MITF: variants seen among roughly 807,000 people sequenced by gnomAD.
MITF encodes microphthalmia-associated transcription factor.
MITF carries 17 observed loss-of-function variants against 60.5 expected under a neutral mutation model. That is an observed-to-expected ratio of 0.28 (90% CI 0.19 to 0.42). The LOEUF (loss-of-function observed/expected upper bound fraction) is 0.42. Among genes scored for constraint, MITF ranks in the 10% least tolerant of loss-of-function variants. The pLI, the probability that MITF is intolerant of heterozygous loss-of-function variation, is 1.00. For synonymous variants in MITF, 260 were observed against 248.5 expected (o/e 1.05, Z -0.43); for missense variants, 622 against 683.5 (o/e 0.91, Z 1.00).
At chr3:69,821,699 A>G (rs2063276468) in intron 1 of MITF, among the ~76,000 whole-genome samples, 4 of 151,448 alleles carry the variant, frequency 2.6e-5, no homozygotes, top group Admixed American at 6.6e-5. Context: ...CTAAAAAAAA[A>G]AAAAAAAGCA....
At chr3:69,808,431 G>C (rs2063046106) in intron 1 of MITF, among the ~76,000 whole-genome samples, 2 of 152,098 alleles carry the variant, frequency 1.3e-5, no homozygotes, top group Non-Finnish European at 2.9e-5. Flanking sequence ...GGGCTTGCAG[G>C]CAACGGGGGA....
intron 1 of MITF, among the ~76,000 whole-genome samples, chr3:69,824,268 A>G (rs2063321287): frequency 6.6e-6 from 1 of 152,192 alleles, no homozygotes; most frequent in African/African-American, 2.4e-5. Context: ...TTGTATCTTG[A>G]GAAGAGAACT....
chr3:69,801,917 A>G (rs1231373287), intron 1 of MITF, among the ~76,000 whole-genome samples: 2 of 152,108 alleles, frequency 1.3e-5, no homozygotes, highest in African/African-American at 4.8e-5. Context: ...GATTGGAGGG[A>G]ATCAAGTGAT....
intron 1 of MITF, among the ~76,000 whole-genome samples, chr3:69,757,138 G>A (rs1021909288): frequency 6.6e-5 from 10 of 152,084 alleles, no homozygotes; most frequent in African/African-American, 2.4e-4. Context: ...GAGTCTTCCA[G>A]ACCACTTCCC....
rs2065889394 is a variant in MITF at position 69,938,220 on chromosome 3, G to C, written c.582+171G>C. ...GGCATTCCAGCCTGTTGTCTCCATCGCTGGGTTATTGGGTGTAGAGCACAT... is the reference window on the plus strand; with the variant it reads ...GGCATTCCAGCCTGTTGTCTCCATCCCTGGGTTATTGGGTGTAGAGCACAT... On this transcript the variant is annotated intron_variant, in intron 3 of 9. Coordinates refer to ENST00000352241, the MANE Select transcript of MITF (RefSeq NM_001354604.2). 21 of 1,114,756 alleles carry C rather than the reference G, an allele frequency of 1.9e-5. 1 individual carries two copies. In the South Asian group the frequency reaches 2.8e-4, roughly 15 times the overall value. 69.1% of individuals were successfully genotyped at this position (1,114,756 alleles called of 1,614,324 possible).
At chr3:69,794,598 G>T (rs963305141) in intron 1 of MITF, among the ~76,000 whole-genome samples, 4 of 152,112 alleles carry the variant, frequency 2.6e-5, no homozygotes, top group African/African-American at 7.2e-5. Context: ...ATGGCAACAC[G>T]TTAAAATTCA....
chr3:69,817,889 T>C (rs1248641634), intron 1 of MITF, among the ~76,000 whole-genome samples: 1 of 152,148 alleles, frequency 6.6e-6, no homozygotes, highest in African/African-American at 2.4e-5. Flanking sequence ...AGGAATGTGA[T>C]TGTAATATCC....
chr3:69,885,737 A>G lies in MITF; in HGVS notation c.354+6354A>G, dbSNP rs557696859. Among the ~76,000 whole-genome samples the G allele has an allele frequency of 3.9e-5, 6 of 152,230 alleles. No homozygotes were observed. In the East Asian group the frequency reaches 9.7e-4, roughly 25 times the overall value. On this transcript the variant is annotated intron_variant, in intron 2 of 9. Transcript: ENST00000352241. ...AAGGCTTTTTATTGGGATACTAATG[A>G]ATAAAAGATTGAGAAACATTCCTGC...
intron 1 of MITF, among the ~76,000 whole-genome samples, chr3:69,847,477 A>G (rs1215542328): frequency 6.6e-6 from 1 of 152,166 alleles, no homozygotes; most frequent in Non-Finnish European, 1.5e-5. Context: ...CTTTACTTAC[A>G]TATGGGGAAA....
At chr3:69,905,201 A>G (rs1471137589) in intron 2 of MITF, among the ~76,000 whole-genome samples, 1 of 152,094 alleles carries the variant, frequency 6.6e-6, no homozygotes, top group Admixed American at 6.6e-5. Context: ...TAATTTCCAG[A>G]GTTTAAAAAA....
intron 9 of MITF, among the ~76,000 whole-genome samples, chr3:69,960,431 AT>A (rs2066511653): frequency 6.6e-6 from 1 of 152,176 alleles, no homozygotes; most frequent in Non-Finnish European, 1.5e-5. Flanking sequence ...CCTCTTTGGT[AT>A]CAACTCCTGG....
chr3:69,882,895 C>G (rs961880566), intron 2 of MITF, among the ~76,000 whole-genome samples: 3 of 152,186 alleles, frequency 2.0e-5, no homozygotes, highest in African/African-American at 7.2e-5. Flanking sequence ...CCAAGATGGG[C>G]TTTGACGGTT....
intron 5 of MITF, among the ~76,000 whole-genome samples, chr3:69,946,269 G>A (rs971333070): frequency 3.9e-5 from 6 of 152,138 alleles, no homozygotes; most frequent in Non-Finnish European, 5.9e-5. Flanking sequence ...ATTTTAATCC[G>A]GATCTCTGAC....
intron 2 of MITF, among the ~76,000 whole-genome samples, chr3:69,918,042 A>G (rs866895559): frequency 3.3e-5 from 5 of 151,780 alleles, no homozygotes; most frequent in Admixed American, 6.6e-5. Context: ...TTCTCCAGTC[A>G]TGTACATTAT....
intron 9 of MITF, among the ~76,000 whole-genome samples, chr3:69,964,128 C>T (rs1559755187): frequency 1.3e-5 from 2 of 151,980 alleles, no homozygotes; most frequent in Admixed American, 6.6e-5. Context: ...AGGCATGTGC[C>T]ACCACACCTG....
intron 1 of MITF, among the ~76,000 whole-genome samples, chr3:69,835,177 C>G (rs190207441): frequency 6.6e-6 from 1 of 152,128 alleles, no homozygotes; most frequent in East Asian, 1.9e-4. Flanking sequence ...GCCACCACGC[C>G]TGGCTGATTT....
intron 2 of MITF, among the ~76,000 whole-genome samples, chr3:69,899,058 G>T (rs1019674033): frequency 1.3e-5 from 2 of 152,170 alleles, no homozygotes; most frequent in Non-Finnish European, 2.9e-5. Context: ...GTAAAGGAAA[G>T]AAAGAAAGTT....
At chr3:69,910,628 G>A (rs768948967) in intron 2 of MITF, among the ~76,000 whole-genome samples, 2 of 152,200 alleles carry the variant, frequency 1.3e-5, no homozygotes, top group South Asian at 2.1e-4. Flanking sequence ...TGACCTGGAC[G>A]TAAGACTTGG....
At chr3:69,759,800 C>A (rs1231635680) in intron 1 of MITF, among the ~76,000 whole-genome samples, 1 of 151,722 alleles carries the variant, frequency 6.6e-6, no homozygotes, top group African/African-American at 2.4e-5. Flanking sequence ...TTTTTTGAGA[C>A]AAAGTCTCGC....
Sources: gnomAD v4.1 joint callset for allele counts (sites outside exome capture counted in the v4.1 genomes callset) on GRCh38, gnomAD v4.1.1 for gene constraint, MANE v1.5 for transcripts, NCBI Gene and HGNC (gene_info 2026-07-23, HGNC 2026-07-21) for gene names.